Variants in PCBP3 observed in about 807,000 individuals in gnomAD.
PCBP3 encodes poly(rC)-binding protein 3.
Under a neutral mutation model 52.7 loss-of-function variants are expected in PCBP3, and 25 were observed. That is an observed-to-expected ratio of 0.47 (90% CI 0.35 to 0.66). PCBP3 has a LOEUF of 0.66. Among genes scored for constraint, PCBP3 ranks in the 30% least tolerant of loss-of-function variants. PCBP3 has a pLI of 0.01. For missense variants in PCBP3, 391 were observed against 490.3 expected (o/e 0.80, Z 1.91); for synonymous variants, 162 against 183.0 (o/e 0.89, Z 0.93).
chr21:45,776,431 T>TCA (rs1491288914), intron 4 of PCBP3, among the ~76,000 whole-genome samples: 35 of 151,496 alleles, frequency 2.3e-4, no homozygotes, highest in Non-Finnish European at 4.7e-4. Context: ...TGTACTTGAG[T>TCA]CTCTCTCTCT....
intron 4 of PCBP3, among the ~76,000 whole-genome samples, chr21:45,764,129 T>C (rs1242359755): frequency 2.6e-5 from 4 of 151,348 alleles, no homozygotes; most frequent in African/African-American, 4.8e-5. Flanking sequence ...CTTTTTTTTT[T>C]TTTTGTTTTT....
rs1474839098 is a variant in PCBP3 at position 45,645,704 on chromosome 21, A to T, written c.-279+1836A>T. 2.0e-5 allele frequency among the ~76,000 whole-genome samples: 3 copies of T among 152,340 alleles called. No homozygotes were observed. The East Asian group carries it at 5.8e-4, about 29-fold the overall frequency. The stretch of plus-strand genomic sequence containing the variant: ...ACGAGCTTCTTGAACCAATCTAGCT[A>T]TTCAGATTTGGATTCTGTGTATCAG... On this transcript the variant is annotated intron_variant, in intron 1 of 17. Transcript: ENST00000681687.
intron 2 of PCBP3, among the ~76,000 whole-genome samples, chr21:45,717,885 A>G (rs2084334036): frequency 6.6e-6 from 1 of 152,156 alleles, no homozygotes; most frequent in African/African-American, 2.4e-5. Context: ...TGTAATTTTG[A>G]AAGAGTTTGT....
At chr21:45,777,754 T>G (rs1441354447) in intron 4 of PCBP3, among the ~76,000 whole-genome samples, 1 of 152,078 alleles carries the variant, frequency 6.6e-6, no homozygotes, top group Non-Finnish European at 1.5e-5. Context: ...GTTCTAGAAT[T>G]TGTTTTTTTT....
intron 1 of PCBP3, among the ~76,000 whole-genome samples, chr21:45,666,970 A>G (rs933982424): frequency 1.3e-5 from 2 of 151,978 alleles, no homozygotes; most frequent in Middle Eastern, 3.2e-3. Flanking sequence ...TTGAATGTAT[A>G]ATTTTTTCCA....
chr21:45,868,969 A>T (rs1322023518), intron 5 of PCBP3, among the ~76,000 whole-genome samples: 1 of 152,212 alleles, frequency 6.6e-6, no homozygotes, highest in Non-Finnish European at 1.5e-5. Flanking sequence ...CTAAGAACAA[A>T]TTCAACAATT....
chr21:45,914,184 GC>G, intron 12 of PCBP3, 159 bp downstream of exon 12: 1 of 1,265,284 alleles, frequency 7.9e-7, no homozygotes, highest in Non-Finnish European at 1.1e-6. Flanking sequence ...CCAGCACCAG[GC>G]GGACGCAGGG....
In PCBP3 at chr21:45,644,855, C is replaced by T. The variant is rs1018557084; in HGVS notation, c.-279+987C>T. 1.9e-4 allele frequency among the ~76,000 whole-genome samples: 29 copies of T among 152,182 alleles called. No individual in the cohort carries two copies. The East Asian group carries it at 5.4e-3, about 28-fold the overall frequency. ...CCTCTGGCACAGGCCCTCACATATC[C>T]CTCTGAAATTGAACTCACTTTCAGG... On this transcript the variant is annotated intron_variant, in intron 1 of 17. Transcript: ENST00000681687.
intron 2 of PCBP3, among the ~76,000 whole-genome samples, chr21:45,718,582 A>T (rs1220833985): frequency 6.6e-6 from 1 of 151,692 alleles, no homozygotes; most frequent in Admixed American, 6.6e-5. Flanking sequence ...GGGGAAGGGG[A>T]TGGAAGTAGG....
chr21:45,891,659 C>T (rs937219445), intron 5 of PCBP3, among the ~76,000 whole-genome samples: 4 of 152,182 alleles, frequency 2.6e-5, no homozygotes, highest in Non-Finnish European at 4.4e-5. Context: ...GGGGTATACA[C>T]GGGCAAGATT....
At chr21:45,675,849 A>G (rs190475179) in intron 2 of PCBP3, among the ~76,000 whole-genome samples, 3 of 152,328 alleles carry the variant, frequency 2.0e-5, no homozygotes, top group Admixed American at 2.0e-4. Context: ...CATGGCACCA[A>G]ACTCTACTGA....
At chr21:45,685,567 G>GGACA (rs2082101995) in intron 2 of PCBP3, among the ~76,000 whole-genome samples, 3 of 152,288 alleles carry the variant, frequency 2.0e-5, no homozygotes, top group Admixed American at 2.0e-4. Context: ...TTCAGACACT[G>GGACA]GACAACAGGC....
At chr21:45,731,003 T>C (rs575881811) in intron 2 of PCBP3, among the ~76,000 whole-genome samples, 3 of 152,338 alleles carry the variant, frequency 2.0e-5, no homozygotes, top group East Asian at 1.9e-4. Context: ...AATTGGGATG[T>C]TGAGACCATT....
intron 2 of PCBP3, among the ~76,000 whole-genome samples, chr21:45,711,457 C>T (rs1288784396): frequency 6.6e-6 from 1 of 152,224 alleles, no homozygotes; most frequent in African/African-American, 2.4e-5. Context: ...TGGCTTCTCA[C>T]TCCAACAGTG....
chr21:45,678,692 A>G (rs572456361), intron 2 of PCBP3, among the ~76,000 whole-genome samples: 1 of 151,864 alleles, frequency 6.6e-6, no homozygotes, highest in East Asian at 1.9e-4. Flanking sequence ...GAGAAGCAGA[A>G]AAGTGGTTAC....
At chr21:45,926,286 G>A (rs77509377) in intron 13 of PCBP3, among the ~76,000 whole-genome samples, 10,088 of 152,188 alleles carry the variant, frequency 0.066, 492 homozygotes, top group East Asian at 0.27. Context: ...ACTGCCAGCC[G>A]TCTAGCCATC....
At chr21:45,850,198 G>C in intron 5 of PCBP3, 103 bp downstream of exon 5, 2 of 944,936 alleles carry the variant, frequency 2.1e-6, no homozygotes, top group Non-Finnish European at 3.4e-6. Flanking sequence ...AAGTGACACA[G>C]TGCTGTATTT....
At chr21:45,783,585 C>T (rs773931474) in intron 4 of PCBP3, among the ~76,000 whole-genome samples, 5 of 152,048 alleles carry the variant, frequency 3.3e-5, no homozygotes, top group African/African-American at 9.7e-5. Context: ...CAGCGCACAG[C>T]GGAGTGAGAA....
At chr21:45,930,099 T>A in intron 14 of PCBP3, 104 bp downstream of exon 14, 1 of 808,234 alleles carries the variant, frequency 1.2e-6, no homozygotes, top group Non-Finnish European at 2.0e-6. Context: ...TGCAGTTGGA[T>A]TTGTGAGTGC....
Sources: allele counts gnomAD v4.1 joint callset (sites outside exome capture counted in the v4.1 genomes callset), GRCh38; gene constraint gnomAD v4.1.1; transcripts MANE v1.5; gene names NCBI Gene and HGNC (gene_info 2026-07-23, HGNC 2026-07-21).